Variants in CA13 observed in about 807,000 individuals in gnomAD.
CA13 encodes the protein carbonic anhydrase 13, also known as CA-XIII.
A neutral mutation model predicts 31.5 loss-of-function variants in CA13; 21 were observed. The ratio of observed to expected loss-of-function variants is 0.67; its 90% confidence interval spans 0.47 to 0.96. The LOEUF (loss-of-function observed/expected upper bound fraction) is 0.96, where lower values mean the gene tolerates loss of function less well. Among genes scored for constraint, CA13 ranks in the 40% least tolerant of loss-of-function variants. CA13 has a pLI of 0.00. For synonymous variants in CA13, 117 were observed against 111.4 expected (o/e 1.05, Z -0.32); for missense variants, 315 against 318.9 (o/e 0.99, Z 0.09).
rs953856957 is a variant in CA13 at position 85,281,230 on chromosome 8, C to A, written c.670C>A (p.Leu224Met). The A allele has an allele frequency of 6.2e-7, 1 of 1,612,878 alleles. No individual in the cohort carries two copies. The highest frequency in any genetic ancestry group is 8.5e-7 in the Non-Finnish European group (1 of 1,179,122). The change falls in exon 7 of 7, where the codon CTG becomes ATG. Residue 224 changes from leucine to methionine, a missense_variant and splice_region_variant. Transcript: ENST00000321764. The part of the protein sequence containing the change: ...KQPINISSQQ[L>M]AKFRSLLCTA... ...AGCTAACTCTTTTCTTCTTCTACAG[C>A]TGGCCAAATTTCGCAGTCTCCTGTG...
At chr8:85,277,138 G>C in intron 6 of CA13, among the ~76,000 whole-genome samples, 1 of 152,206 alleles carries the variant, frequency 6.6e-6, no homozygotes, top group East Asian at 1.9e-4. Context: ...GGAGCCAGCA[G>C]TGGCAACCCA....
rs573822140 is a variant in CA13 at position 85,260,408 on chromosome 8, G to A, written c.354+869G>A. Among the ~76,000 whole-genome samples the A allele has an allele frequency of 4.6e-5, 7 of 152,306 alleles. No homozygotes were observed. In the East Asian group the frequency reaches 1.3e-3, roughly 29 times the overall value. Reference sequence around the variant, plus strand: ...AGGCAGGACAGAGCTAAGTTATCAGGCAAGTGCAATTTTTCTTCATGTTCT... The same window carrying A: ...AGGCAGGACAGAGCTAAGTTATCAGACAAGTGCAATTTTTCTTCATGTTCT... On this transcript the variant is annotated intron_variant, in intron 3 of 6. Transcript: ENST00000321764.
intron 2 of CA13, among the ~76,000 whole-genome samples, chr8:85,252,782 A>G (rs915060294): frequency 6.6e-6 from 1 of 152,188 alleles, no homozygotes; most frequent in Non-Finnish European, 1.5e-5. Context: ...AATTTTTAAA[A>G]ATCCTTAATT....
chr8:85,283,243 T>C lies in CA13; in HGVS notation c.*1894T>C, dbSNP rs560244537. The C allele has an allele frequency of 7.9e-4, 120 of 152,294 alleles. No homozygotes were observed. Among genetic ancestry groups the C allele is most frequent in the African/African-American group, 2.8e-3 (115 of 41,552 alleles). 9.4% of individuals were successfully genotyped at this position (152,294 alleles called of 1,614,324 possible). On this transcript the variant is annotated 3_prime_UTR_variant, in exon 7 of 7. Coordinates refer to ENST00000321764, the MANE Select transcript of CA13 (RefSeq NM_198584.3). ...CTGGCTTGAATGTAGATTTTAATAA[T>C]TGAATTTATTCTGCCGTGTTGATAG...
intron 6 of CA13, among the ~76,000 whole-genome samples, chr8:85,280,094 A>G (rs1301516983): frequency 1.3e-5 from 2 of 152,172 alleles, no homozygotes; most frequent in Non-Finnish European, 2.9e-5. Context: ...ATCCTGGCCA[A>G]CATGGTGAAA....
At chr8:85,255,317 C>T (rs1253285472) in intron 2 of CA13, among the ~76,000 whole-genome samples, 3 of 151,112 alleles carry the variant, frequency 2.0e-5, no homozygotes, top group African/African-American at 7.3e-5. Flanking sequence ...GGCTAGAGTG[C>T]AGTGGTGCAA....
intron 1 of CA13, chr8:85,249,748 T>G (rs1426328717): frequency 5.5e-6 from 2 of 361,230 alleles, no homozygotes; most frequent in Non-Finnish European, 1.1e-5. Context: ...GCTGTATAAA[T>G]TTCAGGAATA....
intron 2 of CA13, among the ~76,000 whole-genome samples, chr8:85,254,277 CAA>C (rs34034023): frequency 2.9e-5 from 4 of 138,430 alleles, no homozygotes; most frequent in Non-Finnish European, 3.1e-5. Context: ...GATTCCATCT[CAA>C]AAAAAAAAAA....
At chr8:85,255,005 G>A (rs1223706337) in intron 2 of CA13, among the ~76,000 whole-genome samples, 1 of 151,974 alleles carries the variant, frequency 6.6e-6, no homozygotes, top group African/African-American at 2.4e-5. Flanking sequence ...ACACATCCAT[G>A]CTCCATAGTT....
At chr8:85,277,944 G>C (rs914681566) in intron 6 of CA13, among the ~76,000 whole-genome samples, 8 of 152,018 alleles carry the variant, frequency 5.3e-5, no homozygotes, top group Non-Finnish European at 1.2e-4. Flanking sequence ...CTTGGGACTG[G>C]GCCTGAGGAG....
chr8:85,270,733 T>A (rs554525020), intron 6 of CA13, among the ~76,000 whole-genome samples: 7 of 152,308 alleles, frequency 4.6e-5, no homozygotes, highest in African/African-American at 1.7e-4. Context: ...TTTTGTTTAG[T>A]TTCGTTTTTT....
chr8:85,274,977 G>A (rs960464739), intron 6 of CA13, among the ~76,000 whole-genome samples: 2 of 152,202 alleles, frequency 1.3e-5, no homozygotes, highest in African/African-American at 2.4e-5. Flanking sequence ...TAGGAAGCAA[G>A]TACCTTGCCA....
chr8:85,274,182 A>G (rs1306273854), intron 6 of CA13, among the ~76,000 whole-genome samples: 1 of 152,094 alleles, frequency 6.6e-6, no homozygotes, highest in African/African-American at 2.4e-5. Context: ...TTGGTTATAG[A>G]AAAAAGGAAA....
chr8:85,273,505 G>A (rs938812090), intron 6 of CA13, among the ~76,000 whole-genome samples: 15 of 152,074 alleles, frequency 9.9e-5, no homozygotes, highest in Admixed American at 6.5e-4. Context: ...AAGCTTAAGG[G>A]AATGAATAAC....
chr8:85,275,793 G>A (rs964043602), intron 6 of CA13, among the ~76,000 whole-genome samples: 4 of 152,180 alleles, frequency 2.6e-5, no homozygotes, highest in South Asian at 2.1e-4. Flanking sequence ...CACATTCCTC[G>A]ATCAAGGTTC....
chr8:85,282,189 T>C lies in CA13; in HGVS notation c.*840T>C, dbSNP rs1299192952. The C allele has an allele frequency of 6.6e-6, 1 of 152,394 alleles. No individual in the cohort carries two copies. The highest frequency in any genetic ancestry group is 2.4e-5 in the African/African-American group (1 of 41,460). The allele number at this position is 152,394 out of a possible 1,614,324, so 9.4% of individuals were successfully genotyped here. On this transcript the variant is annotated 3_prime_UTR_variant, in exon 7 of 7. Transcript: ENST00000321764. ...AACTCTCATTGCATGATACCTTTAA[T>C]AAAATGAACAATATAAGAGTTAAGG...
intron 1 of CA13, among the ~76,000 whole-genome samples, chr8:85,247,266 GGAA>G (rs897135497): frequency 7.9e-5 from 12 of 152,158 alleles, no homozygotes; most frequent in Non-Finnish European, 1.8e-4. Flanking sequence ...ATGGTAGTTA[GGAA>G]GAAGAAGGGT....
chr8:85,280,986 C>T (rs1279206862), intron 6 of CA13, among the ~76,000 whole-genome samples: 1 of 152,040 alleles, frequency 6.6e-6, no homozygotes, highest in Non-Finnish European at 1.5e-5. Flanking sequence ...TAGATGTTTC[C>T]TCTTGTTGGC....
chr8:85,269,526 G>C (rs941068153), intron 6 of CA13, among the ~76,000 whole-genome samples: 1 of 152,094 alleles, frequency 6.6e-6, no homozygotes, highest in African/African-American at 2.4e-5. Flanking sequence ...GAAAGGGGAG[G>C]GGAATGAGAG....
Sources: allele counts gnomAD v4.1 joint callset (sites outside exome capture counted in the v4.1 genomes callset), GRCh38; gene constraint gnomAD v4.1.1; transcripts MANE v1.5; gene names NCBI Gene and HGNC (gene_info 2026-07-23, HGNC 2026-07-21).